Variants in IMPA2 observed in about 807,000 individuals in gnomAD.
IMPA2 encodes inositol monophosphatase 2.
Under a neutral mutation model 35.1 loss-of-function variants are expected in IMPA2, and 32 were observed. The ratio of observed to expected loss-of-function variants is 0.91; its 90% CI spans 0.69 to 1.23. The LOEUF (loss-of-function observed/expected upper bound fraction) is 1.23, where lower values mean the gene tolerates loss of function less well. Among genes scored for constraint, IMPA2 ranks in the 50% most tolerant of loss-of-function variants. The pLI is 0.00. For synonymous variants in IMPA2, 135 were observed against 160.6 expected, an observed-to-expected ratio of 0.84 and a Z score of 1.20; for missense variants, 334 against 387.6, an observed-to-expected ratio of 0.86 and a Z score of 1.16.
At chr18:12,020,237 A>C (rs1194286422) in intron 5 of IMPA2, among the ~76,000 whole-genome samples, 1 of 152,090 alleles carries the variant, frequency 6.6e-6, no homozygotes, top group Non-Finnish European at 1.5e-5. Context: ...CTTGTTGCCC[A>C]GGCTGGAGTG....
Position 12,029,115 on chromosome 18 carries a change from T to G in IMPA2, c.751+122T>G, listed in dbSNP as rs1320957935. The G allele has an allele frequency of 5.5e-5, 48 of 866,062 alleles. No homozygotes were observed. In the Middle Eastern group the frequency reaches 7.1e-4, roughly 13 times the overall value. The allele number at this position is 866,062 out of a possible 1,614,324, so 53.6% of individuals were successfully genotyped here. ...ACCTTCCCCAGAGTTTCTGTTTTTTTTTTTTTTTTTTTTTTTTTGAGACGG... is the reference window on the plus strand; with the variant it reads ...ACCTTCCCCAGAGTTTCTGTTTTTTGTTTTTTTTTTTTTTTTTTGAGACGG... On this transcript the variant is annotated intron_variant, in intron 7 of 7. Coordinates refer to ENST00000269159, the MANE Select transcript of IMPA2 (RefSeq NM_014214.3).
chr18:12,013,610 G>A (rs998562045), intron 4 of IMPA2, among the ~76,000 whole-genome samples: 6 of 152,204 alleles, frequency 3.9e-5, no homozygotes, highest in African/African-American at 1.4e-4. Context: ...GTGAAAAGTC[G>A]GTAGAGGAAA....
At chr18:12,028,594 T>C (rs1048883161) in intron 6 of IMPA2, 19 of 526,554 alleles carry the variant, frequency 3.6e-5, no homozygotes, top group Middle Eastern at 5.0e-4. Context: ...CTCTGGTTGC[T>C]GCATCTCAGG....
intron 4 of IMPA2, chr18:12,012,436 G>GT (rs1354077196): frequency 1.8e-6 from 1 of 569,946 alleles, no homozygotes; most frequent in Non-Finnish European, 3.1e-6. Flanking sequence ...CTTGTCCCCC[G>GT]TGGAGGGCTG....
At chr18:11,989,514 T>C (rs1271942340) in intron 1 of IMPA2, among the ~76,000 whole-genome samples, 1 of 152,194 alleles carries the variant, frequency 6.6e-6, no homozygotes, top group Non-Finnish European at 1.5e-5. Flanking sequence ...GCTGTCCCTT[T>C]GGTGGGGTGG....
chr18:11,988,116 C>T (rs1906718611), intron 1 of IMPA2, among the ~76,000 whole-genome samples: 1 of 151,016 alleles, frequency 6.6e-6, no homozygotes, highest in South Asian at 2.1e-4. Context: ...AGCAATTCTC[C>T]TGCCTCAGCC....
rs749241496 is a variant in IMPA2 at position 12,027,478 on chromosome 18, A to AGAC, written c.491-562_491-560dup. Among the ~76,000 whole-genome samples the AGAC allele has an allele frequency of 9.1e-4, 138 of 151,762 alleles. 2 individuals carry two copies. Among genetic ancestry groups the AGAC allele is most frequent in the Middle Eastern group, 6.8e-3 (2 of 292 alleles). ...TTCTATCGTTGCGATTGCAGCAGTT[A>AGAC]GACGATTAATGAAGCATTTTTTCCC... On this transcript the variant is annotated intron_variant, in intron 5 of 7. Transcript: ENST00000269159.
At chr18:11,987,140 C>T (rs1906689229) in intron 1 of IMPA2, among the ~76,000 whole-genome samples, 1 of 152,130 alleles carries the variant, frequency 6.6e-6, no homozygotes, top group Non-Finnish European at 1.5e-5. Context: ...CCCAAGAGGG[C>T]TTATTAAGGC....
At chr18:11,983,651 G>A (rs1030928040) in intron 1 of IMPA2, among the ~76,000 whole-genome samples, 2 of 152,116 alleles carry the variant, frequency 1.3e-5, no homozygotes, top group African/African-American at 4.8e-5. Context: ...GCTGGAGAGG[G>A]TTGCAATAAA....
Position 12,028,934 on chromosome 18 carries a change from A to T in IMPA2, c.692A>T (p.Asp231Val). 1 of 1,614,004 alleles carries T rather than the reference A, an allele frequency of 6.2e-7. No homozygotes were observed. The change falls in exon 7 of 8, where the codon GAT (aspartate) becomes GTT (valine). Residue 231 changes from aspartate (D) to valine (V), a missense_variant. Asp to Val is a radical substitution (Grantham distance 152). Transcript: ENST00000269159. ...TACCAGTTTGGCCTGCACTGCTGGGATCTGGCGGCTGCCACAGTCATCATC... is the reference window on the plus strand; with the variant it reads ...TACCAGTTTGGCCTGCACTGCTGGGTTCTGGCGGCTGCCACAGTCATCATC... ...AYYQFGLHCW[D>V]LAAATVIIRE...
chr18:11,988,953 C>G (rs1038084889), intron 1 of IMPA2, among the ~76,000 whole-genome samples: 9 of 152,178 alleles, frequency 5.9e-5, no homozygotes, highest in African/African-American at 1.9e-4. Context: ...TCCTGAGTAG[C>G]TGGGACTACA....
chr18:11,997,646 T>A (rs1906998170), intron 1 of IMPA2, among the ~76,000 whole-genome samples: 1 of 152,148 alleles, frequency 6.6e-6, no homozygotes, highest in Admixed American at 6.5e-5. Flanking sequence ...GAATTCCCCG[T>A]GTGCTTCTTC....
chr18:12,015,835 C>T (rs895751911), intron 5 of IMPA2, among the ~76,000 whole-genome samples: 4 of 152,208 alleles, frequency 2.6e-5, no homozygotes, highest in African/African-American at 9.6e-5. Context: ...TAAGCATGCT[C>T]GGGTGAACTT....
intron 1 of IMPA2, among the ~76,000 whole-genome samples, chr18:11,984,939 G>A (rs1382342361): frequency 1.4e-5 from 2 of 142,970 alleles, no homozygotes; most frequent in African/African-American, 2.7e-5. Flanking sequence ...CTGCACTCCA[G>A]CCTGAGCGAC....
chr18:11,985,359 T>C (rs1201485961), intron 1 of IMPA2, among the ~76,000 whole-genome samples: 1 of 152,186 alleles, frequency 6.6e-6, no homozygotes, highest in African/African-American at 2.4e-5. Context: ...TCATACTGTT[T>C]GCATCTTTTG....
chr18:11,986,035 T>G (rs2143773132), intron 1 of IMPA2, among the ~76,000 whole-genome samples: 1 of 152,342 alleles, frequency 6.6e-6, no homozygotes, highest in South Asian at 2.1e-4. Flanking sequence ...AGTGGGGGCC[T>G]TGATGCTTAA....
At chr18:12,015,055 C>T (rs1297708466) in intron 5 of IMPA2, among the ~76,000 whole-genome samples, 1 of 152,170 alleles carries the variant, frequency 6.6e-6, no homozygotes, top group Non-Finnish European at 1.5e-5. Flanking sequence ...CATTGTGAGA[C>T]AGGTACTGTA....
At chr18:11,997,302 T>A (rs981378123) in intron 1 of IMPA2, among the ~76,000 whole-genome samples, 1 of 152,116 alleles carries the variant, frequency 6.6e-6, no homozygotes, top group African/African-American at 2.4e-5. Flanking sequence ...ATTGACCTGG[T>A]GGCAATGAGC....
intron 5 of IMPA2, among the ~76,000 whole-genome samples, chr18:12,027,482 G>A (rs1323326355): frequency 6.6e-6 from 1 of 151,464 alleles, no homozygotes; most frequent in Non-Finnish European, 1.5e-5. Flanking sequence ...GCAGTTAGAC[G>A]ATTAATGAAG....
Sources: allele counts gnomAD v4.1 joint callset (sites outside exome capture counted in the v4.1 genomes callset), GRCh38; gene constraint gnomAD v4.1.1; transcripts MANE v1.5; gene names NCBI Gene and HGNC (gene_info 2026-07-23, HGNC 2026-07-21).